EIPR1: variants seen among roughly 807,000 people sequenced by gnomAD.
EIPR1 encodes EARP complex and GARP complex interacting protein 1.
In EIPR1, 25 loss-of-function variants were observed where a neutral mutation model predicts 48.1. The observed-to-expected ratio is 0.52, with a 90% CI of 0.38 to 0.73. EIPR1 has a LOEUF of 0.73. Among genes scored for constraint, EIPR1 ranks in the 30% least tolerant of loss-of-function variants. The pLI is 0.00. For missense variants in EIPR1, 415 were observed against 506.2 expected (o/e 0.82, Z 1.73); for synonymous variants, 204 against 201.9 (o/e 1.01, Z -0.09).
chr2:3,236,233 G>A (rs1340203099), intron 4 of EIPR1, among the ~76,000 whole-genome samples: 2 of 152,168 alleles, frequency 1.3e-5, no homozygotes, highest in Admixed American at 6.5e-5. Flanking sequence ...GAATATGTGG[G>A]AAAAAGCATG....
At chr2:3,234,924 C>T (rs764259219) in intron 4 of EIPR1, among the ~76,000 whole-genome samples, 1 of 152,226 alleles carries the variant, frequency 6.6e-6, no homozygotes, top group Non-Finnish European at 1.5e-5. Context: ...GGGCCTGTGG[C>T]CACATCCCTA....
At chr2:3,199,068 C>CCCCCCA (rs1553278567) in intron 5 of EIPR1, among the ~76,000 whole-genome samples, 1 of 52,456 alleles carries the variant, frequency 1.9e-5, no homozygotes, top group Non-Finnish European at 6.3e-5. Flanking sequence ...AGGGCCCCCC[C>CCCCCCA]CCCGCCCCGG....
chr2:3,300,223 A>G (rs1208229192), intron 3 of EIPR1, among the ~76,000 whole-genome samples: 1 of 152,264 alleles, frequency 6.6e-6, no homozygotes, highest in East Asian at 1.9e-4. Flanking sequence ...ATGGAAAACT[A>G]GTTTTAAGAT....
chr2:3,254,856 A>G (rs2694067), intron 4 of EIPR1, among the ~76,000 whole-genome samples: 100,856 of 152,110 alleles, frequency 0.66, 33,675 homozygotes, highest in East Asian at 0.81. Context: ...GAATGCATAT[A>G]AACAGGAGGA....
chr2:3,310,379 C>T (rs967345060), intron 3 of EIPR1, among the ~76,000 whole-genome samples: 8 of 151,854 alleles, frequency 5.3e-5, no homozygotes, highest in Admixed American at 1.3e-4. Flanking sequence ...ATTGGCCGGG[C>T]GCGGTGGCTC....
chr2:3,265,276 T>C (rs1384301785), intron 3 of EIPR1, among the ~76,000 whole-genome samples: 1 of 152,164 alleles, frequency 6.6e-6, no homozygotes, highest in Non-Finnish European at 1.5e-5. Context: ...AGGAGTGTGC[T>C]TGGGGCTCAG....
At chr2:3,376,383 G>A (rs992012638) in intron 1 of EIPR1, among the ~76,000 whole-genome samples, 3 of 151,704 alleles carry the variant, frequency 2.0e-5, no homozygotes, top group South Asian at 2.1e-4. Context: ...CTGCCTCTCT[G>A]ACTGTAACCT....
At chr2:3,308,300 C>T (rs1399330676) in intron 3 of EIPR1, among the ~76,000 whole-genome samples, 4 of 151,920 alleles carry the variant, frequency 2.6e-5, no homozygotes, top group East Asian at 1.9e-4. Context: ...TTAAAGCAGC[C>T]GCCATAAAGA....
intron 3 of EIPR1, among the ~76,000 whole-genome samples, chr2:3,293,843 G>A (rs1405443513): frequency 2.6e-5 from 4 of 152,154 alleles, no homozygotes; most frequent in Non-Finnish European, 5.9e-5. Context: ...CGCCGAACAC[G>A]TTAATGTCTA....
intron 2 of EIPR1, among the ~76,000 whole-genome samples, chr2:3,340,501 G>A (rs1362588016): frequency 2.6e-5 from 4 of 152,196 alleles, no homozygotes; most frequent in Non-Finnish European, 5.9e-5. Context: ...CACAGCACTT[G>A]TTTTTATAAG....
chr2:3,291,414 T>C (rs571443293), intron 3 of EIPR1, among the ~76,000 whole-genome samples: 50 of 152,356 alleles, frequency 3.3e-4, no homozygotes, highest in African/African-American at 1.1e-3. Context: ...TATTAGACTA[T>C]GCTGGGTGCT....
chr2:3,339,443 A>G (rs1310184498), intron 2 of EIPR1, among the ~76,000 whole-genome samples: 2 of 152,178 alleles, frequency 1.3e-5, no homozygotes, highest in Non-Finnish European at 2.9e-5. Flanking sequence ...TGGCCCTTTC[A>G]TTATTTCCAA....
chr2:3,341,783 C>T (rs1303495671), intron 2 of EIPR1, among the ~76,000 whole-genome samples: 3 of 151,988 alleles, frequency 2.0e-5, no homozygotes, highest in Non-Finnish European at 2.9e-5. Context: ...GTAAAGATGT[C>T]CCCAGTAGCA....
chr2:3,265,929 GA>G (rs1417929898), intron 3 of EIPR1, among the ~76,000 whole-genome samples: 4 of 152,234 alleles, frequency 2.6e-5, no homozygotes, highest in African/African-American at 7.2e-5. Flanking sequence ...CTTTGAAAGA[GA>G]AAATTCCAAG....
chr2:3,202,648 G>A (rs951955366), intron 5 of EIPR1, among the ~76,000 whole-genome samples: 4 of 152,162 alleles, frequency 2.6e-5, no homozygotes, highest in African/African-American at 9.7e-5. Context: ...GGGAAGGCCC[G>A]AAATCTTGAG....
chr2:3,269,891 C>T (rs1324900937), intron 3 of EIPR1, among the ~76,000 whole-genome samples: 9 of 152,240 alleles, frequency 5.9e-5, no homozygotes, highest in Admixed American at 5.2e-4. Flanking sequence ...AGCTCCCCAG[C>T]ACGCGAATGA....
chr2:3,317,444 G>T (rs1471111958), intron 3 of EIPR1, among the ~76,000 whole-genome samples: 3 of 151,926 alleles, frequency 2.0e-5, no homozygotes, highest in Non-Finnish European at 4.4e-5. Context: ...GGGAGCGCAT[G>T]AGGCACTGAC....
intron 3 of EIPR1, among the ~76,000 whole-genome samples, chr2:3,325,852 C>G (rs1015046245): frequency 6.6e-6 from 1 of 152,270 alleles, no homozygotes; most frequent in Non-Finnish European, 1.5e-5. Flanking sequence ...CCACCCTTAT[C>G]CTGTGGCTTC....
intron 3 of EIPR1, among the ~76,000 whole-genome samples, chr2:3,311,766 C>T (rs1168916560): frequency 6.9e-6 from 1 of 144,876 alleles, no homozygotes; most frequent in Non-Finnish European, 1.5e-5. Flanking sequence ...GGGCTCCACT[C>T]GCAGGATGCT....
Sources: gnomAD v4.1 joint callset for allele counts (sites outside exome capture counted in the v4.1 genomes callset) on GRCh38, gnomAD v4.1.1 for gene constraint, MANE v1.5 for transcripts, NCBI Gene and HGNC (gene_info 2026-07-23, HGNC 2026-07-21) for gene names.